The following GPD2 variants were observed in gnomAD, a reference collection of about 807,000 sequenced individuals.
GPD2 encodes glycerol-3-phosphate dehydrogenase, mitochondrial.
Under a neutral mutation model 82.4 loss-of-function variants are expected in GPD2, and 54 were observed. The observed-to-expected ratio is 0.66, with a 90% CI of 0.53 to 0.82. The LOEUF is 0.82. GPD2 is among the 40% of genes least tolerant of loss of function. GPD2 has a pLI of 0.00. For synonymous variants in GPD2, 288 were observed against 306.1 expected (o/e 0.94, Z 0.62); for missense variants, 748 against 896.2 (o/e 0.83, Z 2.11).
intron 2 of GPD2, among the ~76,000 whole-genome samples, chr2:156,490,583 A>C (rs1020158585): frequency 6.6e-6 from 1 of 152,180 alleles, no homozygotes; most frequent in African/African-American, 2.4e-5. Context: ...TATTATAACT[A>C]GTCAGTCTAC....
At chr2:156,444,121 T>G (rs1682273686) in intron 1 of GPD2, among the ~76,000 whole-genome samples, 1 of 152,184 alleles carries the variant, frequency 6.6e-6, no homozygotes, top group South Asian at 2.1e-4. Flanking sequence ...AAATGTTTAT[T>G]TCTCTTGTCC....
At chr2:156,574,592 AT>A (rs11314446) in intron 13 of GPD2, among the ~76,000 whole-genome samples, 39,817 of 149,974 alleles carry the variant, frequency 0.27, 5,337 homozygotes, top group South Asian at 0.32. Context: ...ACAAAAATAC[AT>A]TTTTTTTTTT....
chr2:156,416,535 T>C, the GPD2 span, among the ~76,000 whole-genome samples: 6 of 150,374 alleles, frequency 4.0e-5, no homozygotes, highest in South Asian at 1.3e-3. Context: ...TTTTTTTTCT[T>C]TTTTTTTAAT....
At chr2:156,465,759 A>G (rs534075397) in intron 1 of GPD2, among the ~76,000 whole-genome samples, 3 of 152,318 alleles carry the variant, frequency 2.0e-5, no homozygotes, top group South Asian at 4.1e-4. Context: ...CATTATCTTA[A>G]CCCAATAAAG....
chr2:156,415,071 T>A, the GPD2 span, among the ~76,000 whole-genome samples: 1 of 151,996 alleles, frequency 6.6e-6, no homozygotes, highest in African/African-American at 2.4e-5. Flanking sequence ...ACCCGAGCAG[T>A]ATACATTGCA....
chr2:156,406,182 C>T, the GPD2 span, among the ~76,000 whole-genome samples: 37 of 152,058 alleles, frequency 2.4e-4, 1 homozygote, highest in African/African-American at 8.2e-4. Flanking sequence ...GGAATTAAAT[C>T]ATTACTTATT....
chr2:156,462,692 C>G (rs1683032183), intron 1 of GPD2, among the ~76,000 whole-genome samples: 1 of 152,044 alleles, frequency 6.6e-6, no homozygotes, highest in African/African-American at 2.4e-5. Context: ...GTAAGCTCCA[C>G]TAACCTGAAA....
chr2:156,561,337 C>T lies in GPD2; in HGVS notation c.1165+3755C>T, dbSNP rs760198805. Among the ~76,000 whole-genome samples, 24 of 152,054 alleles carry T rather than the reference C, an allele frequency of 1.6e-4. 1 individual carries two copies. The highest frequency in any genetic ancestry group is 2.4e-5 in the African/African-American group (1 of 41,398). ...CTGGGATTACAGGTGTGAGCCACCGCGCCCAGCCTAAGCTTTTTGCCTATA... is the reference window on the plus strand; with the variant it reads ...CTGGGATTACAGGTGTGAGCCACCGTGCCCAGCCTAAGCTTTTTGCCTATA... On this transcript the variant is annotated intron_variant, in intron 9 of 16. Coordinates refer to ENST00000438166, the MANE Select transcript of GPD2 (RefSeq NM_000408.5).
intron 1 of GPD2, among the ~76,000 whole-genome samples, chr2:156,453,267 C>T (rs557882245): frequency 2.6e-4 from 39 of 151,954 alleles, no homozygotes; most frequent in Non-Finnish European, 5.3e-4. Context: ...GTTAAGGGTG[C>T]TTGGAAGGGA....
intron 6 of GPD2, among the ~76,000 whole-genome samples, chr2:156,547,002 AACAAAG>A (rs974409915): frequency 6.6e-6 from 1 of 152,236 alleles, no homozygotes; most frequent in Non-Finnish European, 1.5e-5. Context: ...CTAGAAAAAA[AACAAAG>A]ACAAACAAGT....
chr2:156,451,522 A>AC (rs1318660155), intron 1 of GPD2, among the ~76,000 whole-genome samples: 3 of 58,008 alleles, frequency 5.2e-5, no homozygotes, highest in Admixed American at 2.3e-4. Flanking sequence ...GGGGGGGCTG[A>AC]CCCCCCCACC....
At chr2:156,565,645 T>C (rs890930403) in intron 9 of GPD2, among the ~76,000 whole-genome samples, 2 of 152,164 alleles carry the variant, frequency 1.3e-5, no homozygotes, top group Non-Finnish European at 2.9e-5. Flanking sequence ...GTAGAGGTGA[T>C]GGGTATCTAC....
At chr2:156,567,574 C>T (rs77987507) in intron 9 of GPD2, among the ~76,000 whole-genome samples, 4,757 of 152,118 alleles carry the variant, frequency 0.031, 254 homozygotes, top group African/African-American at 0.11. Flanking sequence ...TGTTATCCAG[C>T]GATGGATTAG....
chr2:156,487,607 G>A (rs1388443471), intron 2 of GPD2, among the ~76,000 whole-genome samples: 1 of 152,182 alleles, frequency 6.6e-6, no homozygotes, highest in Non-Finnish European at 1.5e-5. Flanking sequence ...TTTCCTCACT[G>A]GTCAAAAGAT....
intron 13 of GPD2, among the ~76,000 whole-genome samples, chr2:156,573,604 T>A (rs1429335696): frequency 6.6e-6 from 1 of 152,182 alleles, no homozygotes; most frequent in Non-Finnish European, 1.5e-5. Context: ...TTCTGTAAAC[T>A]GGTTGTGTTT....
chr2:156,553,065 T>C (rs977355169), intron 8 of GPD2, among the ~76,000 whole-genome samples: 1 of 151,880 alleles, frequency 6.6e-6, no homozygotes, highest in Non-Finnish European at 1.5e-5. Context: ...ATTTTCATAT[T>C]TTTAGTAGAG....
upstream of GPD2, among the ~76,000 whole-genome samples, chr2:156,433,256 C>G (rs1287554326): frequency 6.6e-6 from 1 of 152,152 alleles, no homozygotes; most frequent in Non-Finnish European, 1.5e-5. Context: ...ACTAGATTGC[C>G]TTTGTAGGAC....
At chr2:156,472,841 C>G (rs960890559) in intron 1 of GPD2, among the ~76,000 whole-genome samples, 2 of 152,140 alleles carry the variant, frequency 1.3e-5, no homozygotes, top group African/African-American at 2.4e-5. Flanking sequence ...CACCAGGGCT[C>G]AAGAACATAA....
chr2:156,409,094 G>C, the GPD2 span, among the ~76,000 whole-genome samples: 1 of 152,184 alleles, frequency 6.6e-6, no homozygotes, highest in Non-Finnish European at 1.5e-5. Context: ...AAGCCGGAAA[G>C]AGATATGCAG....
Sources: allele counts gnomAD v4.1 joint callset (sites outside exome capture counted in the v4.1 genomes callset), GRCh38; gene constraint gnomAD v4.1.1; transcripts MANE v1.5; gene names NCBI Gene and HGNC (gene_info 2026-07-23, HGNC 2026-07-21).